GLIS3: variants seen among roughly 807,000 people sequenced by gnomAD.
GLIS3 encodes GLIS family zinc finger 3.
GLIS3 carries 53 observed loss-of-function variants against 78.6 expected under a neutral mutation model. The ratio of observed to expected loss-of-function variants is 0.67; its 90% CI spans 0.54 to 0.85. The LOEUF is 0.85. Ranked by LOEUF, GLIS3 falls within the 40% of genes least tolerant of loss-of-function variation. GLIS3 has a pLI of 0.00. For synonymous variants in GLIS3, 684 were observed against 509.9 expected (o/e 1.34, Z -4.60); for missense variants, 1,703 against 1,231.1 (o/e 1.38, Z -5.74).
intron 2 of GLIS3, among the ~76,000 whole-genome samples, chr9:4,253,550 C>A (rs574131492): frequency 6.6e-6 from 1 of 152,174 alleles, no homozygotes; most frequent in Non-Finnish European, 1.5e-5. Context: ...GGGCTCTGTG[C>A]GGGTGGGATC....
intron 2 of GLIS3, among the ~76,000 whole-genome samples, chr9:4,137,670 T>TG (rs1833499919): frequency 6.6e-6 from 1 of 152,160 alleles, no homozygotes. Flanking sequence ...GAGTTTGTAT[T>TG]CTAAAGTCCC....
intron 4 of GLIS3, among the ~76,000 whole-genome samples, chr9:4,039,488 C>T (rs965807483): frequency 4.6e-5 from 7 of 152,224 alleles, no homozygotes; most frequent in Middle Eastern, 3.4e-3. Context: ...GGGTCTCCAG[C>T]CCACAAAATA....
chr9:4,139,484 C>G (rs1833644773), intron 2 of GLIS3, among the ~76,000 whole-genome samples: 1 of 152,196 alleles, frequency 6.6e-6, no homozygotes, highest in Non-Finnish European at 1.5e-5. Flanking sequence ...TGATATGTCT[C>G]TAAATTACTC....
chr9:4,209,090 A>G (rs562241337), intron 2 of GLIS3, among the ~76,000 whole-genome samples: 1 of 152,340 alleles, frequency 6.6e-6, no homozygotes, highest in East Asian at 1.9e-4. Flanking sequence ...AAAAGATGAC[A>G]TATAAATTAC....
chr9:4,416,812 GTTTTTTTT>G, the GLIS3 span, among the ~76,000 whole-genome samples: 11 of 95,806 alleles, frequency 1.1e-4, no homozygotes, highest in African/African-American at 4.0e-4. Context: ...CCCATAGTCA[GTTTTTTTT>G]TTTTTTTTTT....
At chr9:4,134,802 C>T (rs919583080) in intron 2 of GLIS3, among the ~76,000 whole-genome samples, 2 of 152,074 alleles carry the variant, frequency 1.3e-5, no homozygotes, top group African/African-American at 2.4e-5. Context: ...AAAGAATAAG[C>T]GGGGATGAGT....
chr9:3,860,272 CAAAAAAAAAAAAAAA>C (rs59923144), intron 8 of GLIS3, among the ~76,000 whole-genome samples: 17 of 53,608 alleles, frequency 3.2e-4, no homozygotes, highest in South Asian at 2.3e-3. Context: ...AAGACTCTGT[CAAAAAAAAAAAAAAA>C]AAAAAAAAAA....
the GLIS3 span, among the ~76,000 whole-genome samples, chr9:4,464,410 T>G: frequency 6.6e-6 from 1 of 152,014 alleles, no homozygotes; most frequent in Non-Finnish European, 1.5e-5. Flanking sequence ...TATTTATTTT[T>G]TTGAGACAGA....
chr9:4,181,188 A>C (rs558839257), intron 2 of GLIS3, among the ~76,000 whole-genome samples: 1 of 152,340 alleles, frequency 6.6e-6, no homozygotes, highest in East Asian at 1.9e-4. Context: ...CATCATTCAG[A>C]GATGCTCCTT....
At chr9:3,967,954 A>G (rs1777002794) in intron 4 of GLIS3, among the ~76,000 whole-genome samples, 2 of 152,206 alleles carry the variant, frequency 1.3e-5, no homozygotes, top group African/African-American at 4.8e-5. Context: ...TGTTGTTTGA[A>G]AATAAGACCC....
chr9:4,485,897 A>C, the GLIS3 span, among the ~76,000 whole-genome samples: 1 of 151,790 alleles, frequency 6.6e-6, no homozygotes, highest in Non-Finnish European at 1.5e-5. Flanking sequence ...AATTTTTTGT[A>C]TTTTTAGCAG....
chr9:3,904,707 A>G (rs1218554760), intron 6 of GLIS3, among the ~76,000 whole-genome samples: 1 of 152,150 alleles, frequency 6.6e-6, no homozygotes, highest in Admixed American at 6.5e-5. Context: ...ATATACACCA[A>G]TCTCTACAGT....
chr9:4,165,491 A>T (rs1166884243), intron 2 of GLIS3, among the ~76,000 whole-genome samples: 3 of 152,166 alleles, frequency 2.0e-5, no homozygotes, highest in Non-Finnish European at 4.4e-5. Context: ...GGGGGGAAAA[A>T]GATTTTCTAA....
At chr9:4,405,015 A>T in the GLIS3 span, among the ~76,000 whole-genome samples, 4 of 152,230 alleles carry the variant, frequency 2.6e-5, no homozygotes, top group African/African-American at 9.6e-5. Flanking sequence ...CCAAATGAAT[A>T]AAATCAGAGA....
the GLIS3 span, among the ~76,000 whole-genome samples, chr9:4,398,826 T>C: frequency 2.6e-5 from 4 of 152,192 alleles, no homozygotes; most frequent in Non-Finnish European, 5.9e-5. Flanking sequence ...GTAGCTGGGA[T>C]TACAGGTGCC....
chr9:4,074,992 T>A (rs537713827), intron 4 of GLIS3, among the ~76,000 whole-genome samples: 2 of 152,256 alleles, frequency 1.3e-5, no homozygotes, highest in East Asian at 3.9e-4. Context: ...AGTTTTCTGA[T>A]CTCATGATGA....
At chr9:3,867,643 A>G (rs1379225940) in intron 8 of GLIS3, among the ~76,000 whole-genome samples, 1 of 152,228 alleles carries the variant, frequency 6.6e-6, no homozygotes, top group African/African-American at 2.4e-5. Context: ...AAAATAGGAT[A>G]TCAGAATTTT....
At chr9:4,351,153 G>A (rs984998111), upstream of GLIS3, among the ~76,000 whole-genome samples, 1 of 152,150 alleles carries the variant, frequency 6.6e-6, no homozygotes, top group Non-Finnish European at 1.5e-5. Flanking sequence ...GGGAGCTGGA[G>A]AATTGCTTGA....
intron 2 of GLIS3, among the ~76,000 whole-genome samples, chr9:4,318,572 A>G (rs192138854): frequency 1.3e-5 from 2 of 152,346 alleles, no homozygotes; most frequent in African/African-American, 4.8e-5. Context: ...CAAAATAACA[A>G]CAATAAGTTA....
Sources: allele counts gnomAD v4.1 joint callset (sites outside exome capture counted in the v4.1 genomes callset), GRCh38; gene constraint gnomAD v4.1.1; transcripts MANE v1.5; gene names NCBI Gene and HGNC (gene_info 2026-07-23, HGNC 2026-07-21).